The following MMP16 variants were observed in gnomAD, a reference collection of about 807,000 sequenced individuals.
MMP16 encodes the protein matrix metallopeptidase 16.
In MMP16, 12 loss-of-function variants were observed where a neutral mutation model predicts 67.8. That is an observed-to-expected ratio of 0.18 (90% CI 0.11 to 0.29). MMP16 has a LOEUF of 0.29. MMP16 is among the 10% of genes least tolerant of loss of function. The pLI is 1.00. For missense variants in MMP16, 475 were observed against 765.7 expected (o/e 0.62, Z 4.48); for synonymous variants, 249 against 255.9 (o/e 0.97, Z 0.26).
intron 6 of MMP16, among the ~76,000 whole-genome samples, chr8:88,098,343 G>A (rs987570748): frequency 4.6e-5 from 7 of 152,008 alleles, no homozygotes; most frequent in African/African-American, 1.7e-4. Context: ...AGGCAGGATT[G>A]ATTGACTGGT....
intron 1 of MMP16, among the ~76,000 whole-genome samples, chr8:88,247,254 A>G (rs972440194): frequency 1.3e-5 from 2 of 152,178 alleles, no homozygotes; most frequent in African/African-American, 4.8e-5. Context: ...AAAGATTGCC[A>G]ACAAAAGTCT....
intron 1 of MMP16, among the ~76,000 whole-genome samples, chr8:88,252,872 T>A (rs936370014): frequency 1.3e-5 from 2 of 152,078 alleles, no homozygotes; most frequent in Non-Finnish European, 1.5e-5. Flanking sequence ...TAATGCAAAT[T>A]AGATAACTAG....
chr8:88,179,301 A>G (rs1006043792), intron 3 of MMP16, among the ~76,000 whole-genome samples: 1 of 152,096 alleles, frequency 6.6e-6, no homozygotes, highest in Admixed American at 6.5e-5. Flanking sequence ...AAGGGGCTTG[A>G]AATATTCAAG....
chr8:88,107,111 T>C (rs1809255662), intron 6 of MMP16, among the ~76,000 whole-genome samples: 1 of 151,196 alleles, frequency 6.6e-6, no homozygotes. Flanking sequence ...CTGACTCTAT[T>C]CTGTTCATTT....
intron 4 of MMP16, among the ~76,000 whole-genome samples, chr8:88,119,099 G>A (rs972483395): frequency 1.3e-5 from 2 of 151,954 alleles, no homozygotes; most frequent in African/African-American, 4.8e-5. Context: ...GAATCCAAAA[G>A]GGAAGAACAA....
At chr8:88,155,051 T>G (rs1335527335) in intron 4 of MMP16, among the ~76,000 whole-genome samples, 2 of 152,082 alleles carry the variant, frequency 1.3e-5, no homozygotes, top group Non-Finnish European at 2.9e-5. Flanking sequence ...AAATGTTTGT[T>G]GAAGGATGAG....
intron 9 of MMP16, among the ~76,000 whole-genome samples, chr8:88,046,312 TG>T (rs1034467029): frequency 2.6e-5 from 4 of 152,190 alleles, no homozygotes; most frequent in Non-Finnish European, 5.9e-5. Flanking sequence ...ATACCTCGAG[TG>T]GCACCTCTAT....
intron 6 of MMP16, among the ~76,000 whole-genome samples, chr8:88,109,031 C>T (rs1216556398): frequency 6.6e-6 from 1 of 151,244 alleles, no homozygotes; most frequent in African/African-American, 2.4e-5. Flanking sequence ...AAGAACAAGA[C>T]AATCAAGAAC....
chr8:88,124,618 C>T (rs17721486), intron 4 of MMP16, among the ~76,000 whole-genome samples: 92,762 of 151,738 alleles, frequency 0.61, 29,378 homozygotes, highest in African/African-American at 0.78. Flanking sequence ...AGCTGCTGCA[C>T]AGGAGCTCTT....
rs1340554165 is a variant in MMP16 at position 88,035,014 on chromosome 8, A to G, written c.*6447T>C. 6.6e-6 allele frequency: 1 copy of G among 152,048 alleles called. No individual in the cohort carries two copies. Among genetic ancestry groups the G allele is most frequent in the Non-Finnish European group, 1.5e-5 (1 of 67,970 alleles). 9.4% of individuals were successfully genotyped at this position (152,048 alleles called of 1,614,324 possible). On this transcript the variant is annotated 3_prime_UTR_variant, in exon 10 of 10. Coordinates refer to ENST00000286614, the MANE Select transcript of MMP16 (RefSeq NM_005941.5). This position sits in a 1 kb window ranked among gnomAD's most constrained non-coding sequence, Gnocchi z 4.7. ...GATCCAGTTTACCCACAGACCAAAT[A>G]CTACAGAAATGTCTGTATTGTGACT...
intron 4 of MMP16, among the ~76,000 whole-genome samples, chr8:88,150,450 G>A (rs1215807598): frequency 1.0e-5 from 1 of 98,258 alleles, no homozygotes; most frequent in Non-Finnish European, 2.0e-5. Flanking sequence ...AAATGTTAAG[G>A]GCAGCCAGAG....
chr8:88,267,616 G>A (rs1810494732), intron 1 of MMP16, among the ~76,000 whole-genome samples: 1 of 152,176 alleles, frequency 6.6e-6, no homozygotes, highest in African/African-American at 2.4e-5. Context: ...CTCAGGGTTA[G>A]TTGCATATTT....
rs922651881 is a variant in MMP16, at chr8:88,311,699, T to C, written c.132+15376A>G. On this transcript the variant is annotated intron_variant, in intron 1 of 9. Transcript: ENST00000286614. ...GGATATAAACCATAATAGAAGATTC[T>C]GGGTTTTCATTAATGTTTAGGAGTG... Among the ~76,000 whole-genome samples, 4 of 152,270 alleles carry C rather than the reference T, an allele frequency of 2.6e-5. No individual in the cohort carries two copies. In the South Asian group the frequency reaches 8.3e-4, roughly 32 times the overall value.
At chr8:88,122,572 A>C (rs981210441) in intron 4 of MMP16, among the ~76,000 whole-genome samples, 7 of 151,974 alleles carry the variant, frequency 4.6e-5, no homozygotes, top group Non-Finnish European at 4.4e-5. Flanking sequence ...CATATCTAGA[A>C]ATAAAAATCA....
intron 1 of MMP16, among the ~76,000 whole-genome samples, chr8:88,310,084 T>C (rs1023218981): frequency 2.0e-5 from 3 of 152,116 alleles, no homozygotes; most frequent in African/African-American, 4.8e-5. Flanking sequence ...GTGAAGTTGC[T>C]GTTCAATAAT....
At chr8:88,263,253 A>C (rs1044327642) in intron 1 of MMP16, among the ~76,000 whole-genome samples, 4 of 152,224 alleles carry the variant, frequency 2.6e-5, no homozygotes, top group Admixed American at 2.0e-4. Flanking sequence ...CTAAAAAAAA[A>C]ATTCAATTTT....
chr8:88,060,992 G>A (rs932320548), intron 7 of MMP16, among the ~76,000 whole-genome samples: 2 of 145,522 alleles, frequency 1.4e-5, no homozygotes, highest in Admixed American at 1.5e-4. Flanking sequence ...ACTAGCAAGA[G>A]TGGGAAAATA....
intron 4 of MMP16, among the ~76,000 whole-genome samples, chr8:88,125,775 C>T (rs1349597920): frequency 6.6e-6 from 1 of 151,858 alleles, no homozygotes; most frequent in Non-Finnish European, 1.5e-5. Flanking sequence ...AGTTAAGATT[C>T]TAAGAACATT....
At position 88,249,496 on chromosome 8, in the gene MMP16, C is replaced by G. The variant is rs1586225874; in HGVS notation, c.133-52190G>C. On this transcript the variant is annotated intron_variant, in intron 1 of 9. Coordinates refer to ENST00000286614, the MANE Select transcript of MMP16 (RefSeq NM_005941.5). ...CCCCAGCCTAAGGGAATAGATGCAT[C>G]TCCTATTCTTTACAGACAATGTCTA... 2.0e-5 allele frequency among the ~76,000 whole-genome samples: 3 copies of G among 152,068 alleles called. No individual in the cohort carries two copies. The East Asian group carries it at 5.8e-4, about 29-fold the overall frequency.
Sources: allele counts gnomAD v4.1 joint callset (sites outside exome capture counted in the v4.1 genomes callset), GRCh38; gene constraint gnomAD v4.1.1; non-coding constraint Gnocchi (gnomAD v3.1); transcripts MANE v1.5; gene names NCBI Gene and HGNC (gene_info 2026-07-23, HGNC 2026-07-21).